The following PITPNM1 variants were observed in gnomAD, a reference collection of about 807,000 sequenced individuals.
PITPNM1 encodes the protein phosphatidylinositol transfer protein membrane associated 1, also known as membrane-associated phosphatidylinositol transfer protein 1.
Under a neutral mutation model 133.3 loss-of-function variants are expected in PITPNM1, and 74 were observed. The observed-to-expected ratio is 0.56, with a 90% confidence interval of 0.46 to 0.67. The LOEUF is 0.67. PITPNM1 is among the 30% of genes least tolerant of loss of function. PITPNM1 has a pLI of 0.00. For synonymous variants in PITPNM1, 738 were observed against 741.4 expected (o/e 1.00, Z 0.08); for missense variants, 1,398 against 1,739.5 (o/e 0.80, Z 3.49).
chr11:67,502,633 C>T lies in PITPNM1; in HGVS notation c.164G>A (p.Ser55Asn). Reference sequence around the variant, plus strand: ...GTACACCTTGTGTGTGTATTGCCCGCTGCCCCCGGGCCCATCCGTGTAGGG... The same window carrying T: ...GTACACCTTGTGTGTGTATTGCCCGTTGCCCCCGGGCCCATCCGTGTAGGG... ...NRPYTDGPGG[S>N]GQYTHKVYHV... The change falls in exon 3 of 24, where the codon AGC becomes AAC. Residue 55 changes from serine to asparagine, a missense_variant. This residue lies in a region of PITPNM1 where 274 missense variants were observed against 360.7 expected (regional missense o/e 0.76). Transcript: ENST00000356404. The surrounding 1 kb of genome is among the most constrained non-coding windows in gnomAD (Gnocchi z 5.9). 1.2e-6 allele frequency: 2 copies of T among 1,613,554 alleles called. No individual in the cohort carries two copies. Among genetic ancestry groups the T allele is most frequent in the South Asian group, 2.2e-5 (2 of 91,088 alleles).
rs1486461920 is a variant in PITPNM1 at position 67,500,281 on chromosome 11, T to C, written c.781A>G (p.Thr261Ala). 1.2e-6 allele frequency: 2 copies of C among 1,610,098 alleles called. No individual in the cohort carries two copies. The highest frequency in any genetic ancestry group is 2.2e-5 in the South Asian group (2 of 91,082). ...MLAQRMAKCN[T>A]GSEGSEAQPP... The stretch of plus-strand genomic sequence containing the variant: ...TGGGCCTCGGACCCCTCACTGCCTG[T>C]GTTGCACTTGGCCATGCGCTGGGCC... The change falls in exon 6 of 24, where the codon ACA becomes GCA. Residue 261 changes from threonine (T) to alanine (A), a missense_variant. Around this residue, in one of 5 missense-constraint regions of PITPNM1, gnomAD observed 195 missense variants for 178.8 expected, o/e 1.09. Transcript: ENST00000356404.
At position 67,504,205 on chromosome 11, in the gene PITPNM1, C is replaced by A. The variant is rs772201865; in HGVS notation, c.-25G>T. The A allele has an allele frequency of 5.8e-6, 9 of 1,562,684 alleles. No homozygotes were observed. In the African/African-American group the frequency reaches 8.2e-5, roughly 14 times the overall value. The stretch of plus-strand genomic sequence containing the variant: ...TCCTGAAGGCGCTCGGCGGGCCGCG[C>A]GCGGCCTCCGCTCCTCCTGGCGCAG... On this transcript the variant is annotated 5_prime_UTR_variant, in exon 2 of 24. Transcript: ENST00000356404. This position sits in a 1 kb window ranked among gnomAD's most constrained non-coding sequence, Gnocchi z 5.4.
rs61755427 is a variant in PITPNM1 at position 67,492,138 on chromosome 11, C to G, written c.3630G>C (p.Ser1210=). The change falls in exon 24 of 24, where the codon TCG becomes TCC. Residue 1210 remains serine (S), a synonymous_variant. Coordinates refer to ENST00000356404, the MANE Select transcript of PITPNM1 (RefSeq NM_004910.3). ...FLRKQSQLLR[S]RGPSQAEREG... Reference sequence around the variant, plus strand: ...CACGCTCCGCCTGGCTGGGGCCCCTCGAGCGAAGCAGCTGGCTCTGTTTGC... The same window carrying G: ...CACGCTCCGCCTGGCTGGGGCCCCTGGAGCGAAGCAGCTGGCTCTGTTTGC... 1 of 1,611,680 alleles carries G rather than the reference C, an allele frequency of 6.2e-7. No individual in the cohort carries two copies. The highest frequency in any genetic ancestry group is 8.5e-7 in the Non-Finnish European group (1 of 1,179,818).
chr11:67,495,226 C>G lies in PITPNM1; in HGVS notation c.2483-1G>C. The G allele has an allele frequency of 1.3e-6, 2 of 1,585,848 alleles. No homozygotes were observed. Among genetic ancestry groups the G allele is most frequent in the East Asian group, 4.5e-5 (2 of 44,334 alleles). ...TTGGTCCCCCACCAGCGCTCCAGGA[C>G]TGCGCGGCCATGGCAGCGAGTCAGG... On this transcript the variant is annotated splice_acceptor_variant, in intron 16 of 23. Coordinates refer to ENST00000356404, the MANE Select transcript of PITPNM1 (RefSeq NM_004910.3). LOFTEE classifies it high-confidence loss of function.
Position 67,502,577 on chromosome 11 carries a change from G to A in PITPNM1, c.220C>T (p.Arg74Trp), listed in dbSNP as rs759663456. 15 of 1,613,560 alleles carry A rather than the reference G, an allele frequency of 9.3e-6. No individual in the cohort carries two copies. The highest frequency in any genetic ancestry group is 3.3e-5 in the South Asian group (3 of 91,090). Residue 74 changes from arginine to tryptophan, a missense_variant, in exon 3 of 24, where the codon CGG becomes TGG. Coordinates refer to ENST00000356404, the MANE Select transcript of PITPNM1 (RefSeq NM_004910.3). This position sits in a 1 kb window ranked among gnomAD's most constrained non-coding sequence, Gnocchi z 5.9. ...AGGGCAGCCTTGGGCAGCAGTGCCC[G>A]GAACCAGCCTGGGATGTGGGAGCCC... The part of the protein sequence containing the change: ...HVGSHIPGWF[R>W]ALLPKAALQV...
chr11:67,498,664 C>T lies in PITPNM1; in HGVS notation c.1416G>A (p.Leu472=), dbSNP rs765263521. Residue 472 remains leucine, a synonymous_variant, in exon 10 of 24, where the codon TTG becomes TTA. Coordinates refer to ENST00000356404, the MANE Select transcript of PITPNM1 (RefSeq NM_004910.3). The surrounding 1 kb of genome is among the most constrained non-coding windows in gnomAD (Gnocchi z 5.7). ...GCACCAGTCGCAGCGCCACGTGGCCCAAGGCCTCAGGGAAGTGGATGCGGG... is the reference window on the plus strand; with the variant it reads ...GCACCAGTCGCAGCGCCACGTGGCCTAAGGCCTCAGGGAAGTGGATGCGGG... ...AVTRIHFPEA[L]GHVALRLVPC... 1 of 1,601,498 alleles carries T rather than the reference C, an allele frequency of 6.2e-7. No homozygotes were observed. Among genetic ancestry groups the T allele is most frequent in the Non-Finnish European group, 8.5e-7 (1 of 1,179,932 alleles).
Position 67,492,251 on chromosome 11 carries a change from C to T in PITPNM1, c.3517G>A (p.Gly1173Ser), listed in dbSNP as rs1221585129. Residue 1173 changes from glycine (G) to serine (S), a missense_variant, in exon 24 of 24, where the codon GGC (glycine) becomes AGC (serine). By Grantham distance (56) the Gly-to-Ser change is moderately conservative. Transcript: ENST00000356404. ...YVAHLGQLEA[G>S]SHSHASSGPP... ...CCCGAGGAGGCATGCGAGTGCGAGC[C>T]CGCTTCCAGCTGGCCCAGGTGGGCC... The T allele has an allele frequency of 6.3e-7, 1 of 1,597,354 alleles. No individual in the cohort carries two copies. The highest frequency in any genetic ancestry group is 8.5e-7 in the Non-Finnish European group (1 of 1,170,188).
chr11:67,501,231 A>G (rs1490412813), intron 5 of PITPNM1, among the ~76,000 whole-genome samples: 1 of 152,248 alleles, frequency 6.6e-6, no homozygotes, highest in Non-Finnish European at 1.5e-5. Flanking sequence ...TTTACTGAAG[A>G]GAAATTTAAA....
chr11:67,494,099 TGGG>T, intron 19 of PITPNM1, 29 bp from the exon 20 acceptor site: 2 of 1,507,812 alleles, frequency 1.3e-6, no homozygotes, highest in Non-Finnish European at 1.8e-6. Context: ...GGGAGGTAAA[TGGG>T]GGCCCTGCGT....
rs781343196 is a variant in PITPNM1, at chr11:67,502,116, G to A, written c.416-30C>T. 9 of 1,595,892 alleles carry A rather than the reference G, an allele frequency of 5.6e-6. No individual in the cohort carries two copies. The highest frequency in any genetic ancestry group is 2.2e-5 in the East Asian group (1 of 44,620). On this transcript the variant is annotated intron_variant, in intron 4 of 23. Coordinates refer to ENST00000356404, the MANE Select transcript of PITPNM1 (RefSeq NM_004910.3). This position sits in a 1 kb window ranked among gnomAD's most constrained non-coding sequence, Gnocchi z 5.9. ...GGGAGTTCGGCAAGCATTGAGCAGC[G>A]CCAGCCCCTTTGAGCCCCCGCTCCT...
In PITPNM1 at chr11:67,498,080, T is replaced by C. The variant is rs1866189973; in HGVS notation, c.1674+53A>G. On this transcript the variant is annotated intron_variant, in intron 11 of 23. Transcript: ENST00000356404. The surrounding 1 kb of genome is among the most constrained non-coding windows in gnomAD (Gnocchi z 5.7). Reference sequence around the variant, plus strand: ...GGCCTTGTCCTCACCCAGGCCAGACTACAGTGGGGGCTGCAGTGGAGGGCA... The same window carrying C: ...GGCCTTGTCCTCACCCAGGCCAGACCACAGTGGGGGCTGCAGTGGAGGGCA... The C allele has an allele frequency of 6.2e-7, 1 of 1,609,130 alleles. No individual in the cohort carries two copies. The highest frequency in any genetic ancestry group is 1.3e-5 in the African/African-American group (1 of 74,916).
chr11:67,503,834 C>G, intron 2 of PITPNM1: 1 of 360,402 alleles, frequency 2.8e-6, no homozygotes, highest in Non-Finnish European at 5.1e-6. Flanking sequence ...TCATTCTTGC[C>G]GCCTCCTGGG....
At position 67,500,349 on chromosome 11, in the gene PITPNM1, A is replaced by G; in HGVS notation, c.713T>C (p.Met238Thr). ...CWQDEWTELS[M>T]ADIRALEEET... ...CTCTTCCAGTGCCCGGATGTCAGCC[A>G]TGCTCAGCTCTGTCCACTCATCCTG... The change falls in exon 6 of 24, where the codon ATG becomes ACG. Residue 238 changes from methionine to threonine, a missense_variant. Transcript: ENST00000356404. The G allele has an allele frequency of 6.2e-7, 1 of 1,612,244 alleles. No individual in the cohort carries two copies. The highest frequency in any genetic ancestry group is 8.5e-7 in the Non-Finnish European group (1 of 1,179,924).
chr11:67,503,607 C>T (rs1370468648), intron 2 of PITPNM1, among the ~76,000 whole-genome samples: 1 of 152,174 alleles, frequency 6.6e-6, no homozygotes, highest in Non-Finnish European at 1.5e-5. Flanking sequence ...CTCCCCCAGG[C>T]CCCGCACCAA....
chr11:67,500,184 G>T lies in PITPNM1; in HGVS notation c.878C>A (p.Ala293Asp), dbSNP rs2134315038. Residue 293 changes from alanine (A) to aspartate (D), a missense_variant, in exon 6 of 24, where the codon GCC (alanine) becomes GAC (aspartate). Transcript: ENST00000356404. The stretch of plus-strand genomic sequence containing the variant: ...GGGGGAGGCATCTGGGCCTGGGGGG[G>T]CCTCAGGCCCATCGGGGGTGCCAGT... The part of the protein sequence containing the change: ...SNTGTPDGPE[A>D]PPGPDASPDA... 2 of 1,598,630 alleles carry T rather than the reference G, an allele frequency of 1.3e-6. No individual in the cohort carries two copies. Among genetic ancestry groups the T allele is most frequent in the South Asian group, 1.1e-5 (1 of 90,600 alleles).
rs117029606 is a variant in PITPNM1 at position 67,497,864 on chromosome 11, G to C, written c.1782+53C>G. ...TGGCATTCCAGGGGGCAGAGACCTA[G>C]AGCCAGAGAGGGCCTTTCCGCTCCT... On this transcript the variant is annotated intron_variant, in intron 12 of 23. Coordinates refer to ENST00000356404, the MANE Select transcript of PITPNM1 (RefSeq NM_004910.3). 7.4e-3 allele frequency: 11,555 copies of C among 1,553,826 alleles called. 57 individuals carry two copies. Among genetic ancestry groups the C allele is most frequent in the Non-Finnish European group, 9.3e-3 (10,550 of 1,134,668 alleles).
intron 14 of PITPNM1, chr11:67,496,704 G>A (rs912321826): frequency 4.0e-6 from 1 of 250,512 alleles, no homozygotes; most frequent in African/African-American, 2.3e-5. Context: ...GGAGGCAGAG[G>A]TGGGTGGATT....
Position 67,492,292 on chromosome 11 carries a change from A to G in PITPNM1, c.3476T>C (p.Leu1159Pro), listed in dbSNP as rs1165413768. ...CAGGTGGGCCACATAGCCGTCTGAC[A>G]GGAACTGTGGGCAGAGGTAGGCAGC... is the stretch of plus-strand genomic sequence containing the variant. Reference protein sequence around the residue: ...VRKLQAQCQFLSDGYVAHLGQ... With the variant: ...VRKLQAQCQFPSDGYVAHLGQ... Residue 1159 changes from leucine to proline, a missense_variant, in exon 24 of 24, where the codon CTG becomes CCG. Leu to Pro is a moderately conservative substitution (Grantham distance 98). This residue lies in a region of PITPNM1 where 122 missense variants were observed against 123.3 expected (regional missense o/e 0.99). Coordinates refer to ENST00000356404, the MANE Select transcript of PITPNM1 (RefSeq NM_004910.3). 6.4e-7 allele frequency: 1 copy of G among 1,567,214 alleles called. No homozygotes were observed. Among genetic ancestry groups the G allele is most frequent in the South Asian group, 1.2e-5 (1 of 84,926 alleles).
chr11:67,499,576 T>TCCAA (rs1866248722), intron 8 of PITPNM1, 147 bp downstream of exon 8: 1 of 165,252 alleles, frequency 6.1e-6, no homozygotes, highest in African/African-American at 9.8e-5. Flanking sequence ...CATCCATCCA[T>TCCAA]CCATCCATCC....
Sources: gnomAD v4.1 joint callset for allele counts (sites outside exome capture counted in the v4.1 genomes callset) on GRCh38, gnomAD v4.1.1 for gene constraint, gnomAD v4.1.1 regional missense constraint, Gnocchi (gnomAD v3.1) non-coding constraint, MANE v1.5 for transcripts, NCBI Gene and HGNC (gene_info 2026-07-23, HGNC 2026-07-21) for gene names.